The following THBS2 variants were observed in gnomAD, a reference collection of about 807,000 sequenced individuals.
THBS2 encodes thrombospondin-2.
THBS2 carries 47 observed loss-of-function variants against 135.2 expected under a neutral mutation model. That is an observed-to-expected ratio of 0.35 (90% CI 0.28 to 0.44). The LOEUF is 0.44. Among genes scored for constraint, THBS2 ranks in the 20% least tolerant of loss-of-function variants. The probability of loss-of-function intolerance (pLI) is 1.00; values close to 1 mark genes in which losing one functional copy is unlikely to be tolerated. For synonymous variants in THBS2, 639 were observed against 633.8 expected, an observed-to-expected ratio of 1.01 and a Z score of -0.12; for missense variants, 1,288 against 1,603.1, an observed-to-expected ratio of 0.80 and a Z score of 3.36.
At position 169,220,326 on chromosome 6, in the gene THBS2, T is replaced by A. The variant is rs375397482; in HGVS notation, c.3383A>T (p.His1128Leu). The change falls in exon 21 of 22, where the codon CAT becomes CTT. Residue 1128 changes from histidine (H) to leucine (L), a missense_variant. By Grantham distance (99) the His-to-Leu change is moderately conservative. This residue lies in a region of THBS2 where 874 missense variants were observed against 1,156.1 expected (regional missense o/e 0.76). Coordinates refer to ENST00000617924, the MANE Select transcript of THBS2 (RefSeq NM_003247.5). Reference protein sequence around the residue: ...PKTGYIRVLVHEGKQVMADSG... With the variant: ...PKTGYIRVLVLEGKQVMADSG... ...GTCTGCCATGACCTGTTTTCCTTCA[T>A]GCACTAAGACTCTAAAAATGGTGTT... 5 of 1,612,332 alleles carry A rather than the reference T, an allele frequency of 3.1e-6. No homozygotes were observed. The highest frequency in any genetic ancestry group is 4.2e-6 in the Non-Finnish European group (5 of 1,179,378).
At position 169,217,558 on chromosome 6, in the gene THBS2, C is replaced by G; in HGVS notation, c.*264G>C. On this transcript the variant is annotated 3_prime_UTR_variant, in exon 22 of 22. Transcript: ENST00000617924. ...AGAAAAAGCAATGTAATGGCATGCC[C>G]AATTTTCACTCCACATAAAGTCTCA... 2.2e-6 allele frequency: 1 copy of G among 446,054 alleles called. No homozygotes were observed. Among genetic ancestry groups the G allele is most frequent in the Admixed American group, 3.9e-5 (1 of 25,622 alleles). 27.6% of individuals were successfully genotyped at this position (446,054 alleles called of 1,614,324 possible). A position where few individuals can be genotyped will look rare whatever the true frequency, so the allele number is the denominator to read the frequency against.
At chr6:169,232,862 G>T (rs747364866) in intron 11 of THBS2, 28 bp downstream of exon 11, 1 of 1,605,318 alleles carries the variant, frequency 6.2e-7, no homozygotes, top group Non-Finnish European at 8.5e-7. Context: ...ACCTCAGGGC[G>T]CCCACAGCCC....
At chr6:169,251,049 A>G (rs757114282) in intron 1 of THBS2, among the ~76,000 whole-genome samples, 46 of 152,196 alleles carry the variant, frequency 3.0e-4, no homozygotes, top group Non-Finnish European at 6.0e-4. Context: ...CGTTCTAAAT[A>G]TTCCTATTAT....
chr6:169,216,862 G>A lies in THBS2; in HGVS notation c.*960C>T, dbSNP rs1329523980. Reference sequence around the variant, plus strand: ...TTTATAACTGGAACCTTAATGAAATGTATCATCAAATCAGGTAAAAGCAAC... The same window carrying A: ...TTTATAACTGGAACCTTAATGAAATATATCATCAAATCAGGTAAAAGCAAC... On this transcript the variant is annotated 3_prime_UTR_variant, in exon 22 of 22. Transcript: ENST00000617924. 6.6e-6 allele frequency: 1 copy of A among 152,184 alleles called. No homozygotes were observed. Among genetic ancestry groups the A allele is most frequent in the Non-Finnish European group, 1.5e-5 (1 of 68,030 alleles). 9.4% of individuals were successfully genotyped at this position (152,184 alleles called of 1,614,324 possible). A position where few individuals can be genotyped will look rare whatever the true frequency, so the allele number is the denominator to read the frequency against.
At position 169,241,683 on chromosome 6, in the gene THBS2, T is replaced by C; in HGVS notation, c.891+79A>G. The C allele has an allele frequency of 7.0e-7, 1 of 1,424,184 alleles. No homozygotes were observed. The highest frequency in any genetic ancestry group is 1.4e-5 in the South Asian group (1 of 74,056). 88.2% of individuals were successfully genotyped at this position (1,424,184 alleles called of 1,614,324 possible). A position where few individuals can be genotyped will look rare whatever the true frequency, so the allele number is the denominator to read the frequency against. On this transcript the variant is annotated intron_variant, in intron 5 of 21. Coordinates refer to ENST00000617924, the MANE Select transcript of THBS2 (RefSeq NM_003247.5). The surrounding 1 kb of genome is among the most constrained non-coding windows in gnomAD (Gnocchi z 5.5). Reference sequence around the variant, plus strand: ...CATGAGGCACTGCCAAGCCAGGGAATGTTGATACCTGCTGAGATGGGCCAG... The same window carrying C: ...CATGAGGCACTGCCAAGCCAGGGAACGTTGATACCTGCTGAGATGGGCCAG...
At position 169,221,382 on chromosome 6, in the gene THBS2, G is replaced by A. The variant is rs200845649; in HGVS notation, c.3371+48C>T. ...CTATTAATGTTCAAATGTGCCGTCC[G>A]ATGGGAAGCCCCTTGGAAGAAATGC... On this transcript the variant is annotated intron_variant, in intron 20 of 21. Coordinates refer to ENST00000617924, the MANE Select transcript of THBS2 (RefSeq NM_003247.5). 381 of 1,544,382 alleles carry A rather than the reference G, an allele frequency of 2.5e-4. No individual in the cohort carries two copies. The African/African-American group carries it at 3.8e-3, about 15-fold the overall frequency.
chr6:169,229,292 TCAG>T (rs1779749497), intron 14 of THBS2, among the ~76,000 whole-genome samples: 1 of 152,250 alleles, frequency 6.6e-6, no homozygotes, highest in Admixed American at 6.5e-5. Context: ...CACTGGCTCC[TCAG>T]CAGAAGGAGA....
At chr6:169,236,310 C>G (rs1457382992) in intron 9 of THBS2, among the ~76,000 whole-genome samples, 3 of 121,560 alleles carry the variant, frequency 2.5e-5, no homozygotes, top group Non-Finnish European at 1.8e-5. Flanking sequence ...ACAGTCACTC[C>G]CCATCCACAC....
rs2114959712 is a variant in THBS2 at position 169,216,563 on chromosome 6, G to GT, written c.*1258dup. 6.6e-6 allele frequency: 1 copy of GT among 151,618 alleles called. No homozygotes were observed. The highest frequency in any genetic ancestry group is 2.1e-4 in the South Asian group (1 of 4,782). The allele number at this position is 151,618 out of a possible 1,614,324, so 9.4% of individuals were successfully genotyped here. On this transcript the variant is annotated 3_prime_UTR_variant, in exon 22 of 22. Coordinates refer to ENST00000617924, the MANE Select transcript of THBS2 (RefSeq NM_003247.5). ...TTCCATATACAGCAGATAGATAACA[G>GT]TAACAAATATTGAACTAAAATCGCT...
intron 14 of THBS2, 152 bp downstream of exon 14, chr6:169,229,420 T>G (rs1294853268): frequency 6.7e-6 from 4 of 593,484 alleles, no homozygotes; most frequent in Non-Finnish European, 1.2e-5. Flanking sequence ...CAAAGGACTG[T>G]CTTTATAGTG....
At position 169,248,049 on chromosome 6, in the gene THBS2, CTGTG is replaced by C. The variant is rs35032917; in HGVS notation, c.609+364_609+367del. ...TGTGGTGAGGTGTGTGTGTGCGTGTCTGTGTGTGTGTGTTGCGTGGTGTGTGTAC... is the reference window on the plus strand; with the variant it reads ...TGTGGTGAGGTGTGTGTGTGCGTGTCTGTGTGTGTTGCGTGGTGTGTGTAC... On this transcript the variant is annotated intron_variant, in intron 3 of 21. Coordinates refer to ENST00000617924, the MANE Select transcript of THBS2 (RefSeq NM_003247.5). Among the ~76,000 whole-genome samples, 676 of 151,114 alleles carry C rather than the reference CTGTG, an allele frequency of 4.5e-3. 7 individuals carry two copies. Among genetic ancestry groups the C allele is most frequent in the South Asian group, 9.0e-3 (43 of 4,776 alleles).
rs199952750 is a variant in THBS2, at chr6:169,229,554, G to C, written c.2259+18C>G. ...CTCCTGGAACCCAGGGCAGGTGCGCGGCACAAGCTGCTCCTACCTTCTCAT... is the reference window on the plus strand; with the variant it reads ...CTCCTGGAACCCAGGGCAGGTGCGCCGCACAAGCTGCTCCTACCTTCTCAT... On this transcript the variant is annotated intron_variant, in intron 14 of 21. Coordinates refer to ENST00000617924, the MANE Select transcript of THBS2 (RefSeq NM_003247.5). 1.2e-5 allele frequency: 20 copies of C among 1,607,922 alleles called. No homozygotes were observed. Among genetic ancestry groups the C allele is most frequent in the Non-Finnish European group, 1.7e-5 (20 of 1,174,556 alleles).
Position 169,248,963 on chromosome 6 carries a change from C to T in THBS2, c.63G>A (p.Gln21=), listed in dbSNP as rs1393690375. The change falls in exon 3 of 22, where the codon CAG becomes CAA. Residue 21 remains glutamine, a synonymous_variant. Coordinates refer to ENST00000617924, the MANE Select transcript of THBS2 (RefSeq NM_003247.5). ...WVWPSTQAGH[Q]DKDTTFDLFS... Reference sequence around the variant, plus strand: ...AAAGGTCGAAGGTCGTGTCTTTGTCCTGGTGACCAGCTGCAAAGGGAACCG... The same window carrying T: ...AAAGGTCGAAGGTCGTGTCTTTGTCTTGGTGACCAGCTGCAAAGGGAACCG... 3 of 1,601,702 alleles carry T rather than the reference C, an allele frequency of 1.9e-6. No individual in the cohort carries two copies. The highest frequency in any genetic ancestry group is 2.6e-6 in the Non-Finnish European group (3 of 1,171,702).
chr6:169,242,073 G>C, intron 4 of THBS2, 115 bp from the exon 5 acceptor site: 1 of 1,198,720 alleles, frequency 8.3e-7, no homozygotes, highest in East Asian at 2.6e-5. Context: ...GGTGCTGGGA[G>C]ACACAAGGCG....
intron 2 of THBS2, among the ~76,000 whole-genome samples, chr6:169,250,344 T>TAAAA (rs1338293528): frequency 2.0e-5 from 3 of 152,222 alleles, no homozygotes; most frequent in Non-Finnish European, 1.5e-5. Flanking sequence ...TCAGGCTTTA[T>TAAAA]CTGTGATGAA....
chr6:169,225,380 C>G lies in THBS2; in HGVS notation c.2539-1G>C. ...CAACAAGGTCATTGTCCACGTCGGT[C>G]TAGGGGATGGGGCGTGAGAGAAACA... On this transcript the variant is annotated splice_acceptor_variant, in intron 16 of 21. Coordinates refer to ENST00000617924, the MANE Select transcript of THBS2 (RefSeq NM_003247.5). LOFTEE classifies it high-confidence loss of function. 2 of 1,553,656 alleles carry G rather than the reference C, an allele frequency of 1.3e-6. No individual in the cohort carries two copies. The highest frequency in any genetic ancestry group is 1.7e-6 in the Non-Finnish European group (2 of 1,147,994).
At chr6:169,219,592 G>A (rs9800623) in intron 21 of THBS2, among the ~76,000 whole-genome samples, 32,448 of 152,064 alleles carry the variant, frequency 0.21, 3,564 homozygotes, top group Middle Eastern at 0.25. Context: ...GGATCCACCC[G>A]CCTTGGCCTC....
chr6:169,248,189 G>T (rs1357912851), intron 3 of THBS2, among the ~76,000 whole-genome samples: 1 of 151,700 alleles, frequency 6.6e-6, no homozygotes, highest in African/African-American at 2.4e-5. Context: ...GTGTGTGTGT[G>T]GTGTGTGTGC....
intron 4 of THBS2, among the ~76,000 whole-genome samples, chr6:169,243,039 C>CAT (rs1780409070): frequency 4.1e-4 from 23 of 56,742 alleles, no homozygotes; most frequent in Non-Finnish European, 5.4e-4. Context: ...CTTCCCACCG[C>CAT]TCCCACCTTC....
Sources: allele counts gnomAD v4.1 joint callset (sites outside exome capture counted in the v4.1 genomes callset), GRCh38; gene constraint gnomAD v4.1.1; regional missense constraint gnomAD v4.1.1; non-coding constraint Gnocchi (gnomAD v3.1); transcripts MANE v1.5; gene names NCBI Gene and HGNC (gene_info 2026-07-23, HGNC 2026-07-21).